MRE11: variants seen among roughly 807,000 people sequenced by gnomAD.
MRE11 encodes the protein MRE11 double strand break repair nuclease, also known as double-strand break repair protein MRE11.
In MRE11, 62 loss-of-function variants were observed where a neutral mutation model predicts 91.7. That is an observed-to-expected ratio of 0.68 (90% CI 0.55 to 0.84). The LOEUF (loss-of-function observed/expected upper bound fraction) is 0.84, where lower values mean the gene tolerates loss of function less well. MRE11 is among the 40% of genes least tolerant of loss of function. MRE11 has a pLI of 0.00. For synonymous variants in MRE11, 273 were observed against 271.4 expected (o/e 1.01, Z -0.06); for missense variants, 796 against 852.9 (o/e 0.93, Z 0.83).
rs876659845 is a variant in MRE11 at position 94,464,162 on chromosome 11, T to C, written c.1176A>G (p.Pro392=). 8 of 1,613,886 alleles carry C rather than the reference T, an allele frequency of 5.0e-6. No homozygotes were observed. The highest frequency in any genetic ancestry group is 1.6e-4 in the Middle Eastern group (1 of 6,072). The stretch of plus-strand genomic sequence containing the variant: ...GCCTGAAAAAATGGATAATGTCTTT[T>C]GGATTAGCTACCCGATCCACAAATT... ...SQKFVDRVAN[P]KDIIHFFRHR... Residue 392 remains proline, a synonymous_variant, in exon 11 of 20, where the codon CCA becomes CCG. Coordinates refer to ENST00000323929, the MANE Select transcript of MRE11 (RefSeq NM_005591.4).
rs749416193 is a variant in MRE11, at chr11:94,429,992, G to A, written c.1995-6C>T. On this transcript the variant is annotated splice_polypyrimidine_tract_variant and splice_region_variant and intron_variant, in intron 18 of 19. Coordinates refer to ENST00000323929, the MANE Select transcript of MRE11 (RefSeq NM_005591.4). ...TGGATGATGTGCTGGACCACCTGAG[G>A]CAAAACAAAAACAAAAACAAACACA... 10 of 1,613,798 alleles carry A rather than the reference G, an allele frequency of 6.2e-6. No homozygotes were observed. The South Asian group carries it at 1.1e-4, about 18-fold the overall frequency.
the MRE11 span, among the ~76,000 whole-genome samples, chr11:94,500,785 A>G: frequency 3.3e-5 from 5 of 152,144 alleles, no homozygotes; most frequent in African/African-American, 1.2e-4. Flanking sequence ...GAGTCTTTAT[A>G]CTACAATCTG....
intron 18 of MRE11, among the ~76,000 whole-genome samples, chr11:94,431,707 T>C (rs1945466630): frequency 6.6e-6 from 1 of 152,216 alleles, no homozygotes; most frequent in Non-Finnish European, 1.5e-5. Flanking sequence ...AAGTTATAAC[T>C]ATAATCTATC....
rs760721295 is a variant in MRE11, at chr11:94,479,761, C to T, written c.315G>A (p.Lys105=). 6.2e-7 allele frequency: 1 copy of T among 1,608,486 alleles called. No individual in the cohort carries two copies. The highest frequency in any genetic ancestry group is 1.1e-5 in the South Asian group (1 of 90,938). Residue 105 remains lysine, a splice_region_variant and synonymous_variant, in exon 5 of 20, where the codon AAG becomes AAA. Transcript: ENST00000323929. ...CATCTTGATAGTTCACCCATGGAAACCTTAAAAAAAAAAAGTTACTTAAAA... is the reference window on the plus strand; with the variant it reads ...CATCTTGATAGTTCACCCATGGAAATCTTAAAAAAAAAAAGTTACTTAAAA... ...SDQSVNFGFS[K]FPWVNYQDGN...
chr11:94,430,065 A>G, intron 18 of MRE11, 79 bp from the exon 19 acceptor site: 2 of 1,330,486 alleles, frequency 1.5e-6, no homozygotes, highest in Non-Finnish European at 1.1e-6. Flanking sequence ...AAGTTTTTCA[A>G]TCCAGCAGCT....
At chr11:94,496,605 T>A (rs1947421617), upstream of MRE11, 3 of 1,215,328 alleles carry the variant, frequency 2.5e-6, no homozygotes, top group South Asian at 3.1e-5. Flanking sequence ...TGTTTTCAGA[T>A]CTTGATGAAC....
At chr11:94,420,948 C>T (rs540593672) in intron 19 of MRE11, among the ~76,000 whole-genome samples, 2 of 151,730 alleles carry the variant, frequency 1.3e-5, no homozygotes, top group South Asian at 2.1e-4. Context: ...AGGAGAATGG[C>T]GTGAAACTGG....
At chr11:94,463,694 C>T (rs1377365356) in intron 11 of MRE11, among the ~76,000 whole-genome samples, 2 of 151,894 alleles carry the variant, frequency 1.3e-5, no homozygotes, top group African/African-American at 4.8e-5. Flanking sequence ...GAAAACCGAA[C>T]CCCGCATATT....
intron 1 of MRE11, among the ~76,000 whole-genome samples, chr11:94,493,220 CACAA>C (rs1283593702): frequency 2.0e-5 from 3 of 152,148 alleles, no homozygotes; most frequent in Non-Finnish European, 4.4e-5. Context: ...TGGTTCAACA[CACAA>C]ACAACTCTAG....
intron 12 of MRE11, 143 bp from the exon 13 acceptor site, chr11:94,459,724 C>A: frequency 3.3e-6 from 3 of 909,486 alleles, no homozygotes; most frequent in Admixed American, 2.7e-5. Context: ...TATCAGGAAC[C>A]AGAAAAAGCA....
intron 12 of MRE11, among the ~76,000 whole-genome samples, chr11:94,460,130 T>C (rs1946376100): frequency 6.6e-6 from 1 of 152,130 alleles, no homozygotes; most frequent in African/African-American, 2.4e-5. Flanking sequence ...CCAAGGAACA[T>C]AGTAGGCACC....
Position 94,417,536 on chromosome 11 carries a change from T to G in MRE11, c.*2589A>C, listed in dbSNP as rs1205170247. The G allele has an allele frequency of 1.3e-5, 3 of 232,952 alleles. No homozygotes were observed. Among genetic ancestry groups the G allele is most frequent in the Non-Finnish European group, 2.5e-5 (3 of 117,940 alleles). The allele number at this position is 232,952 out of a possible 1,614,324, so 14.4% of individuals were successfully genotyped here. ...CTACACTAACTTCGTAATTTTAGAT[T>G]TGCAGTTGCATCCTCCTAACTGCGT... On this transcript the variant is annotated 3_prime_UTR_variant, in exon 20 of 20. Coordinates refer to ENST00000323929, the MANE Select transcript of MRE11 (RefSeq NM_005591.4).
Position 94,419,465 on chromosome 11 carries a change from G to GGAGAGAGAGAGAGAGAGA in MRE11, c.*642_*659dup, listed in dbSNP as rs201800515. 31 of 216,406 alleles carry GGAGAGAGAGAGAGAGAGA rather than the reference G, an allele frequency of 1.4e-4. No homozygotes were observed. The highest frequency in any genetic ancestry group is 5.9e-4 in the African/African-American group (24 of 40,686). 13.4% of individuals were successfully genotyped at this position (216,406 alleles called of 1,614,324 possible). On this transcript the variant is annotated 3_prime_UTR_variant, in exon 20 of 20. Coordinates refer to ENST00000323929, the MANE Select transcript of MRE11 (RefSeq NM_005591.4). The stretch of plus-strand genomic sequence containing the variant: ...GAAGAGTGGGGAACGGGGGGGAGAG[G>GGAGAGAGAGAGAGAGAGA]GAGAGAGAGAGAGAGAGAGAGAGAG...
intron 14 of MRE11, among the ~76,000 whole-genome samples, chr11:94,454,737 C>G (rs1946204067): frequency 6.6e-6 from 1 of 152,110 alleles, no homozygotes; most frequent in Non-Finnish European, 1.5e-5. Flanking sequence ...TCACTCTTAA[C>G]TCTTTTAAAA....
intron 18 of MRE11, 62 bp downstream of exon 18, chr11:94,435,770 G>A (rs1945589736): frequency 7.2e-7 from 1 of 1,396,890 alleles, no homozygotes; most frequent in Non-Finnish European, 1.0e-6. Context: ...TGTAACTTTG[G>A]AATTCTGGAT....
rs1221491340 is a variant in MRE11 at position 94,418,403 on chromosome 11, A to G, written c.*1722T>C. The G allele has an allele frequency of 1.3e-5, 3 of 232,412 alleles. No individual in the cohort carries two copies. The highest frequency in any genetic ancestry group is 6.6e-5 in the African/African-American group (3 of 45,232). 14.4% of individuals were successfully genotyped at this position (232,412 alleles called of 1,614,324 possible). A position where few individuals can be genotyped will look rare whatever the true frequency, so the allele number is the denominator to read the frequency against. ...GCAATTTTTTTTTTTTTAAGGAAAAAAACTTTATTCCTTTTTTCCTAGGAA... is the reference window on the plus strand; with the variant it reads ...GCAATTTTTTTTTTTTTAAGGAAAAGAACTTTATTCCTTTTTTCCTAGGAA... On this transcript the variant is annotated 3_prime_UTR_variant, in exon 20 of 20. Transcript: ENST00000323929.
At chr11:94,476,510 G>C in intron 6 of MRE11, 107 bp from the exon 7 acceptor site, 1 of 729,828 alleles carries the variant, frequency 1.4e-6, no homozygotes. Context: ...TCACTTTACT[G>C]TTGGGAGATA....
At chr11:94,509,257 T>A in the MRE11 span, among the ~76,000 whole-genome samples, 1 of 152,200 alleles carries the variant, frequency 6.6e-6, no homozygotes, top group African/African-American at 2.4e-5. Context: ...TTCTCTCTTT[T>A]TAAAGATTTA....
upstream of MRE11, chr11:94,498,356 G>A: frequency 2.5e-6 from 4 of 1,613,498 alleles, no homozygotes; most frequent in Non-Finnish European, 3.4e-6. Context: ...GCATCTTGCT[G>A]CTGGGAACAG....
Sources: gnomAD v4.1 joint callset for allele counts (sites outside exome capture counted in the v4.1 genomes callset) on GRCh38, gnomAD v4.1.1 for gene constraint, MANE v1.5 for transcripts, NCBI Gene and HGNC (gene_info 2026-07-23, HGNC 2026-07-21) for gene names.